Variants in BRMS1L observed in about 807,000 individuals in gnomAD.
The protein encoded by BRMS1L is BRMS1 like transcriptional repressor, also known as breast cancer metastasis-suppressor 1-like protein.
A neutral mutation model predicts 50.3 loss-of-function variants in BRMS1L; 23 were observed. The observed-to-expected ratio is 0.46, with a 90% CI of 0.33 to 0.65. The LOEUF (loss-of-function observed/expected upper bound fraction) is 0.65, where lower values mean the gene tolerates loss of function less well. BRMS1L is among the 30% of genes least tolerant of loss of function. The pLI, the probability that BRMS1L is intolerant of heterozygous loss-of-function variation, is 0.02. For missense variants in BRMS1L, 286 were observed against 386.1 expected (o/e 0.74, Z 2.17); for synonymous variants, 114 against 126.9 (o/e 0.90, Z 0.69).
chr14:35,870,347 T>C lies in BRMS1L; in HGVS notation c.855-13T>C. ...TGTAATTCATTCATTCATTCTTTTT[T>C]TTTTCTTTTTAGTGCTGTAATTACA... On this transcript the variant is annotated splice_polypyrimidine_tract_variant and intron_variant, in intron 9 of 9. Transcript: ENST00000216807. The C allele has an allele frequency of 6.9e-7, 1 of 1,447,278 alleles. No individual in the cohort carries two copies. Among genetic ancestry groups the C allele is most frequent in the Non-Finnish European group, 9.6e-7 (1 of 1,045,994 alleles). The allele number at this position is 1,447,278 out of a possible 1,614,324, so 89.7% of individuals were successfully genotyped here. A position where few individuals can be genotyped will look rare whatever the true frequency, so the allele number is the denominator to read the frequency against.
intron 4 of BRMS1L, among the ~76,000 whole-genome samples, chr14:35,860,918 T>C (rs1170414879): frequency 3.3e-5 from 5 of 152,212 alleles, no homozygotes; most frequent in Admixed American, 2.6e-4. Flanking sequence ...CCTATACTTA[T>C]GAGTAGTATT....
chr14:35,849,796 G>A (rs185360757), intron 4 of BRMS1L, among the ~76,000 whole-genome samples: 53 of 152,056 alleles, frequency 3.5e-4, no homozygotes, highest in Admixed American at 2.2e-3. Context: ...CTTTTGCTAC[G>A]GAGTTGAATA....
At chr14:35,837,881 A>T (rs563983436) in intron 4 of BRMS1L, among the ~76,000 whole-genome samples, 17 of 152,194 alleles carry the variant, frequency 1.1e-4, no homozygotes, top group Admixed American at 2.6e-4. Context: ...ATTACTTTTT[A>T]AAAAAATTAT....
At chr14:35,840,064 G>C (rs1307868759) in intron 4 of BRMS1L, among the ~76,000 whole-genome samples, 1 of 152,166 alleles carries the variant, frequency 6.6e-6, no homozygotes, top group East Asian at 1.9e-4. Context: ...AGTTCATTGA[G>C]AGTTTTTAGC....
At chr14:35,847,280 C>G (rs986631726) in intron 4 of BRMS1L, among the ~76,000 whole-genome samples, 2 of 151,988 alleles carry the variant, frequency 1.3e-5, no homozygotes, top group African/African-American at 4.8e-5. Context: ...ACCTGGCCAT[C>G]TCTTTGTATT....
chr14:35,868,821 C>G (rs1184636683), intron 9 of BRMS1L, among the ~76,000 whole-genome samples: 1 of 152,144 alleles, frequency 6.6e-6, no homozygotes, highest in Non-Finnish European at 1.5e-5. Context: ...CACAGTGTAA[C>G]TTGAAAACTG....
Position 35,870,341 on chromosome 14 carries a change from C to CT in BRMS1L, c.855-9dup, listed in dbSNP as rs60163392. On this transcript the variant is annotated intron_variant, in intron 9 of 9. Transcript: ENST00000216807. ...AGACATTGTAATTCATTCATTCATTCTTTTTTTTTTCTTTTTAGTGCTGTA... is the reference window on the plus strand; with the variant it reads ...AGACATTGTAATTCATTCATTCATTCTTTTTTTTTTTCTTTTTAGTGCTGTA... 6.6e-3 allele frequency: 8,253 copies of CT among 1,250,068 alleles called. No homozygotes were observed. The highest frequency in any genetic ancestry group is 7.4e-3 in the South Asian group (521 of 70,624). The allele number at this position is 1,250,068 out of a possible 1,614,324, so 77.4% of individuals were successfully genotyped here.
chr14:35,862,740 C>G lies in BRMS1L; in HGVS notation c.538+54C>G, dbSNP rs1284374405. 3.2e-6 allele frequency: 4 copies of G among 1,238,986 alleles called. No homozygotes were observed. The African/African-American group carries it at 6.0e-5, about 19-fold the overall frequency. 76.7% of individuals were successfully genotyped at this position (1,238,986 alleles called of 1,614,324 possible). Reference sequence around the variant, plus strand: ...TGAGTGGCACCAGACCTTTGGTTTACTGTAGTGTCATATCGTATCTCAGTC... The same window carrying G: ...TGAGTGGCACCAGACCTTTGGTTTAGTGTAGTGTCATATCGTATCTCAGTC... On this transcript the variant is annotated intron_variant, in intron 5 of 9. Coordinates refer to ENST00000216807, the MANE Select transcript of BRMS1L (RefSeq NM_032352.4).
In BRMS1L at chr14:35,826,340, A is replaced by C. The variant is rs2077840994; in HGVS notation, c.-177A>C. On this transcript the variant is annotated 5_prime_UTR_variant, in exon 1 of 10. Transcript: ENST00000216807. ...GGTGGAAGGCCTCCGCCAATGGCAGAGCTCCCATCGCAGAGCCTGCGGGTT... is the reference window on the plus strand; with the variant it reads ...GGTGGAAGGCCTCCGCCAATGGCAGCGCTCCCATCGCAGAGCCTGCGGGTT... 3.3e-6 allele frequency: 3 copies of C among 903,186 alleles called. No homozygotes were observed. In the East Asian group the frequency reaches 8.0e-5, roughly 24 times the overall value. 55.9% of individuals were successfully genotyped at this position (903,186 alleles called of 1,614,324 possible). A position where few individuals can be genotyped will look rare whatever the true frequency, so the allele number is the denominator to read the frequency against.
chr14:35,855,644 A>G (rs2078270479), intron 4 of BRMS1L, among the ~76,000 whole-genome samples: 1 of 152,134 alleles, frequency 6.6e-6, no homozygotes, highest in South Asian at 2.1e-4. Context: ...TGACATTTTT[A>G]TGTCTAACAT....
chr14:35,826,718 C>G (rs529387837), intron 1 of BRMS1L, 60 bp downstream of exon 1: 1 of 1,589,478 alleles, frequency 6.3e-7, no homozygotes. Context: ...AGGCCGCTCT[C>G]CGCACGCCAG....
At chr14:35,856,696 C>G (rs1291827603) in intron 4 of BRMS1L, among the ~76,000 whole-genome samples, 1 of 151,948 alleles carries the variant, frequency 6.6e-6, no homozygotes, top group African/African-American at 2.4e-5. Flanking sequence ...ACTGCAAACT[C>G]TGCCTCCCAG....
chr14:35,830,845 C>G (rs1300470605), intron 1 of BRMS1L, among the ~76,000 whole-genome samples: 1 of 151,840 alleles, frequency 6.6e-6, no homozygotes, highest in African/African-American at 2.4e-5. Context: ...TATAGTCAGT[C>G]CTTTAAAGTG....
intron 4 of BRMS1L, among the ~76,000 whole-genome samples, chr14:35,839,355 C>G (rs993474661): frequency 6.6e-6 from 1 of 152,102 alleles, no homozygotes; most frequent in African/African-American, 2.4e-5. Flanking sequence ...GCTATATGGG[C>G]TCTTTTTTGG....
At chr14:35,859,050 T>G (rs991146801) in intron 4 of BRMS1L, among the ~76,000 whole-genome samples, 1 of 151,856 alleles carries the variant, frequency 6.6e-6, no homozygotes, top group Non-Finnish European at 1.5e-5. Context: ...CAAGTGATTC[T>G]CCTGCCTCAG....
chr14:35,865,094 A>G (rs970158844), intron 7 of BRMS1L, 95 bp downstream of exon 7: 1 of 916,630 alleles, frequency 1.1e-6, no homozygotes, highest in Non-Finnish European at 1.6e-6. Context: ...ATATTATTGT[A>G]AATATGCTTT....
chr14:35,859,320 T>C (rs183109865), intron 4 of BRMS1L, among the ~76,000 whole-genome samples: 2 of 152,292 alleles, frequency 1.3e-5, no homozygotes, highest in Non-Finnish European at 2.9e-5. Context: ...ATTGGACATG[T>C]TTTAAAACCA....
rs4982316 is a variant in BRMS1L, at chr14:35,859,067, G to A, written c.442-3523G>A. On this transcript the variant is annotated intron_variant, in intron 4 of 9. Coordinates refer to ENST00000216807, the MANE Select transcript of BRMS1L (RefSeq NM_032352.4). ...AGTGATTCTCCTGCCTCAGCCTGCC[G>A]AGTAGCTGGGATTACAGGTTCCTGC... is the stretch of plus-strand genomic sequence containing the variant. Among the ~76,000 whole-genome samples, 545 of 151,326 alleles carry A rather than the reference G, an allele frequency of 3.6e-3. 1 individual carries two copies. The highest frequency in any genetic ancestry group is 6.8e-3 in the Middle Eastern group (2 of 294).
chr14:35,860,749 C>A (rs113623816), intron 4 of BRMS1L, among the ~76,000 whole-genome samples: 158 of 152,136 alleles, frequency 1.0e-3, no homozygotes, highest in African/African-American at 3.6e-3. Flanking sequence ...AGTGTGAGGT[C>A]GGTACAATAA....
Sources: gnomAD v4.1 joint callset for allele counts (sites outside exome capture counted in the v4.1 genomes callset) on GRCh38, gnomAD v4.1.1 for gene constraint, MANE v1.5 for transcripts, NCBI Gene and HGNC (gene_info 2026-07-23, HGNC 2026-07-21) for gene names.